The following TBCD variants were observed in gnomAD, a reference collection of about 807,000 sequenced individuals.
TBCD encodes the protein tubulin folding cofactor D.
In TBCD, 105 loss-of-function variants were observed where a neutral mutation model predicts 169.3. That is an observed-to-expected ratio of 0.62 (90% confidence interval 0.53 to 0.73). The LOEUF (loss-of-function observed/expected upper bound fraction) is 0.73, where lower values mean the gene tolerates loss of function less well. Among genes scored for constraint, TBCD ranks in the 30% least tolerant of loss-of-function variants. The pLI is 0.00. For synonymous variants in TBCD, 700 were observed against 643.9 expected (o/e 1.09, Z -1.32); for missense variants, 1,444 against 1,600.1 (o/e 0.90, Z 1.66).
chr17:82,781,919 G>A (rs1055944989), intron 7 of TBCD, among the ~76,000 whole-genome samples, 198 bp downstream of exon 7: 2 of 152,218 alleles, frequency 1.3e-5, no homozygotes, highest in African/African-American at 4.8e-5. Context: ...TTTCTGCGCT[G>A]GTGCTGGTGG....
intron 13 of TBCD, among the ~76,000 whole-genome samples, chr17:82,843,015 C>T (rs925929434): frequency 4.0e-5 from 6 of 151,844 alleles, no homozygotes; most frequent in African/African-American, 7.3e-5. Flanking sequence ...CTCCTGACCT[C>T]GTGATCCGCC....
rs1568074995 is a variant in TBCD, at chr17:82,929,452, CGTCCTGCTGGGGCTA to C, written c.2947_2961del (p.Leu983_Val987del). 6.2e-7 allele frequency: 1 copy of C among 1,611,478 alleles called. No individual in the cohort carries two copies. The highest frequency in any genetic ancestry group is 8.5e-7 in the Non-Finnish European group (1 of 1,179,874). ...TTGGGCTGCCCACCTACCGCTACCA[CGTCCTGCTGGGGCTA>C]GTCGTGTCCCTGGGCGGCTTGACGG... On this transcript the variant is annotated inframe_deletion, in exon 32 of 39. Coordinates refer to ENST00000355528, the MANE Select transcript of TBCD (RefSeq NM_005993.5).
Position 82,764,168 on chromosome 17 carries a change from A to T in TBCD, c.333+106A>T, listed in dbSNP as rs932531287. The T allele has an allele frequency of 1.4e-5, 13 of 905,258 alleles. No homozygotes were observed. In the Admixed American group the frequency reaches 3.2e-4, roughly 22 times the overall value. The allele number at this position is 905,258 out of a possible 1,614,324, so 56.1% of individuals were successfully genotyped here. A position where few individuals can be genotyped will look rare whatever the true frequency, so the allele number is the denominator to read the frequency against. On this transcript the variant is annotated intron_variant, in intron 3 of 38. Transcript: ENST00000355528. Reference sequence around the variant, plus strand: ...TTCTCAAGAAAGATAGTTCTTAGACACAAGTTGTGGGTTTAATTCTGTCCC... The same window carrying T: ...TTCTCAAGAAAGATAGTTCTTAGACTCAAGTTGTGGGTTTAATTCTGTCCC...
At position 82,915,254 on chromosome 17, in the gene TBCD, G is replaced by A. The variant is rs558099729; in HGVS notation, c.2038+3465G>A. Among the ~76,000 whole-genome samples, 9 of 152,302 alleles carry A rather than the reference G, an allele frequency of 5.9e-5. No individual in the cohort carries two copies. Among genetic ancestry groups the A allele is most frequent in the Admixed American group, 4.6e-4 (7 of 15,306 alleles). ...CAGGAGCATCAGGTGCGCCCTGGCC[G>A]CAGGTGCCCCGGAGGTGTCGAACCG... On this transcript the variant is annotated intron_variant, in intron 23 of 38. Transcript: ENST00000355528. This position sits in a 1 kb window ranked among gnomAD's most constrained non-coding sequence, Gnocchi z 4.3.
rs2062081770 is a variant in TBCD at position 82,930,177 on chromosome 17, T to C, written c.2992-345T>C. The C allele has an allele frequency of 6.2e-6, 2 of 320,100 alleles. No individual in the cohort carries two copies. Among genetic ancestry groups the C allele is most frequent in the African/African-American group, 2.2e-5 (1 of 45,864 alleles). 19.8% of individuals were successfully genotyped at this position (320,100 alleles called of 1,614,324 possible). Reference sequence around the variant, plus strand: ...CACATGCGAGCGGGGCCCCGAGACATTCTGCACTCGGGAATTGCGGGGATT... The same window carrying C: ...CACATGCGAGCGGGGCCCCGAGACACTCTGCACTCGGGAATTGCGGGGATT... On this transcript the variant is annotated intron_variant, in intron 32 of 38. Transcript: ENST00000355528. The surrounding 1 kb of genome is among the most constrained non-coding windows in gnomAD (Gnocchi z 5.2).
At position 82,806,103 on chromosome 17, in the gene TBCD, G is replaced by A; in HGVS notation, c.1087+92G>A. 1.3e-6 allele frequency: 2 copies of A among 1,527,298 alleles called. No homozygotes were observed. Among genetic ancestry groups the A allele is most frequent in the South Asian group, 2.5e-5 (2 of 80,284 alleles). 94.6% of individuals were successfully genotyped at this position (1,527,298 alleles called of 1,614,324 possible). A position where few individuals can be genotyped will look rare whatever the true frequency, so the allele number is the denominator to read the frequency against. On this transcript the variant is annotated intron_variant, in intron 10 of 38. Coordinates refer to ENST00000355528, the MANE Select transcript of TBCD (RefSeq NM_005993.5). The surrounding 1 kb of genome is among the most constrained non-coding windows in gnomAD (Gnocchi z 5.1). ...GACCACACTTCCTTCTTCCTTGCTG[G>A]TGCCGGCACTGTCTGGCCACCCGTC...
chr17:82,887,173 G>GCA (rs1460277947), intron 15 of TBCD, among the ~76,000 whole-genome samples: 7 of 66,916 alleles, frequency 1.0e-4, no homozygotes, highest in African/African-American at 5.8e-4. Context: ...GTGTGTGCGC[G>GCA]CGCGCGCACG....
In TBCD at chr17:82,883,627, G is replaced by A. The variant is rs558510218; in HGVS notation, c.1476-518G>A. 4.6e-5 allele frequency among the ~76,000 whole-genome samples: 7 copies of A among 151,500 alleles called. No homozygotes were observed. The South Asian group carries it at 1.5e-3, about 31-fold the overall frequency. On this transcript the variant is annotated intron_variant, in intron 14 of 38. Coordinates refer to ENST00000355528, the MANE Select transcript of TBCD (RefSeq NM_005993.5). ...CAGGGCCTCAGGTCCCTCTGGGCAC[G>A]GTGGGTGTTCATGTGTTTCTGCAGG... is the stretch of plus-strand genomic sequence containing the variant.
chr17:82,912,823 C>A lies in TBCD; in HGVS notation c.2038+1034C>A, dbSNP rs533499961. Among the ~76,000 whole-genome samples, 6 of 152,370 alleles carry A rather than the reference C, an allele frequency of 3.9e-5. No homozygotes were observed. The East Asian group carries it at 1.2e-3, about 29-fold the overall frequency. ...CAGCCAGGCTGGCCGGGCTTCTGTA[C>A]TGAGAGCAGCCAGCTTGCATTTCTG... On this transcript the variant is annotated intron_variant, in intron 23 of 38. Coordinates refer to ENST00000355528, the MANE Select transcript of TBCD (RefSeq NM_005993.5).
chr17:82,807,839 G>A (rs1367411183), intron 11 of TBCD, among the ~76,000 whole-genome samples, 171 bp downstream of exon 11: 3 of 152,232 alleles, frequency 2.0e-5, no homozygotes, highest in Non-Finnish European at 4.4e-5. Flanking sequence ...TTCCCGAGGC[G>A]GAGCTTCGGT....
At chr17:82,841,380 C>T (rs2054514402) in intron 13 of TBCD, among the ~76,000 whole-genome samples, 1 of 150,582 alleles carries the variant, frequency 6.6e-6, no homozygotes, top group African/African-American at 2.4e-5. Flanking sequence ...TGCAGTGGTG[C>T]GATCACGGTT....
At chr17:82,810,854 C>T (rs967278041) in intron 12 of TBCD, among the ~76,000 whole-genome samples, 4 of 152,162 alleles carry the variant, frequency 2.6e-5, no homozygotes, top group African/African-American at 4.8e-5. Context: ...GCTCCGGAGC[C>T]GTTCACAAAG....
chr17:82,782,799 G>A lies in TBCD; in HGVS notation c.771+1078G>A, dbSNP rs1201821523. ...GCGTTGTCTTCCTGTCTGTGGCGTC[G>A]TCCTGTCTGCGGTGGCGTCGTCCTG... On this transcript the variant is annotated intron_variant, in intron 7 of 38. Coordinates refer to ENST00000355528, the MANE Select transcript of TBCD (RefSeq NM_005993.5). This position sits in a 1 kb window ranked among gnomAD's most constrained non-coding sequence, Gnocchi z 5.1. Among the ~76,000 whole-genome samples, 1 of 147,900 alleles carries A rather than the reference G, an allele frequency of 6.8e-6. No homozygotes were observed. The highest frequency in any genetic ancestry group is 1.5e-5 in the Non-Finnish European group (1 of 66,758).
chr17:82,909,261 T>C (rs2060451250), intron 21 of TBCD, 24 bp from the exon 22 acceptor site: 1 of 1,485,010 alleles, frequency 6.7e-7, no homozygotes, highest in Admixed American at 2.0e-5. Context: ...AATCATTAAA[T>C]AACTTTCAGT....
chr17:82,940,221 GCACA>G lies in TBCD; in HGVS notation c.3479+767_3479+770del, dbSNP rs71168175. The stretch of plus-strand genomic sequence containing the variant: ...CACACACATGCTCACTTGCACGCGC[GCACA>G]CACACACACACACACACACACTTCT... On this transcript the variant is annotated intron_variant, in intron 37 of 38. Transcript: ENST00000355528. Among the ~76,000 whole-genome samples the G allele has an allele frequency of 1.7e-3, 225 of 131,806 alleles. 1 individual carries two copies. Among genetic ancestry groups the G allele is most frequent in the East Asian group, 1.6e-3 (7 of 4,416 alleles). The allele number at this position is 131,806 out of a possible 152,430, so 86.5% of individuals were successfully genotyped here.
Position 82,831,304 on chromosome 17 carries a change from G to A in TBCD, c.1318+16370G>A, listed in dbSNP as rs768086223. On this transcript the variant is annotated intron_variant, in intron 13 of 38. Transcript: ENST00000355528. This position sits in a 1 kb window ranked among gnomAD's most constrained non-coding sequence, Gnocchi z 4.6. Reference sequence around the variant, plus strand: ...CTGCCCAGCCTTGGAGGAGTCTTTAGCCTCAGGAATTGGACTTTCGAACTC... The same window carrying A: ...CTGCCCAGCCTTGGAGGAGTCTTTAACCTCAGGAATTGGACTTTCGAACTC... The A allele has an allele frequency of 6.2e-7, 1 of 1,613,962 alleles. No homozygotes were observed. Among genetic ancestry groups the A allele is most frequent in the East Asian group, 2.2e-5 (1 of 44,880 alleles).
At chr17:82,937,641 CAG>C (rs1320971004) in intron 35 of TBCD, 1 of 600,828 alleles carries the variant, frequency 1.7e-6, no homozygotes, top group Non-Finnish European at 2.9e-6. Flanking sequence ...GCTGCGTGGT[CAG>C]GGGCTGCCTC....
intron 13 of TBCD, among the ~76,000 whole-genome samples, chr17:82,852,899 G>T (rs536735790): frequency 6.6e-6 from 1 of 152,304 alleles, no homozygotes; most frequent in South Asian, 2.1e-4. Context: ...GGACTGTTCG[G>T]AAAGTTAAGG....
At chr17:82,847,375 A>AAAAAAAAAC (rs2055234789) in intron 13 of TBCD, among the ~76,000 whole-genome samples, 1 of 151,564 alleles carries the variant, frequency 6.6e-6, no homozygotes, top group African/African-American at 2.4e-5. Context: ...AAAAAAAAAA[A>AAAAAAAAAC]AAAAGAAACA....
Sources: gnomAD v4.1 joint callset for allele counts (sites outside exome capture counted in the v4.1 genomes callset) on GRCh38, gnomAD v4.1.1 for gene constraint, Gnocchi (gnomAD v3.1) non-coding constraint, MANE v1.5 for transcripts, NCBI Gene and HGNC (gene_info 2026-07-23, HGNC 2026-07-21) for gene names.